Variants in MEIOB observed in about 807,000 individuals in gnomAD.
The protein encoded by MEIOB is meiosis-specific with OB domain-containing protein.
MEIOB carries 50 observed loss-of-function variants against 53.1 expected under a neutral mutation model. The observed-to-expected ratio is 0.94, with a 90% CI of 0.75 to 1.19. The LOEUF (loss-of-function observed/expected upper bound fraction) is 1.19. MEIOB is among the 50% of genes most tolerant of loss of function. The probability of loss-of-function intolerance (pLI) is 0.00; values close to 1 mark genes in which losing one functional copy is unlikely to be tolerated. For synonymous variants in MEIOB, 192 were observed against 182.5 expected (o/e 1.05, Z -0.42); for missense variants, 551 against 550.8 (o/e 1.00, Z 0.00).
At chr16:1,843,281 A>G (rs553381482) in intron 10 of MEIOB, among the ~76,000 whole-genome samples, 60 of 151,030 alleles carry the variant, frequency 4.0e-4, no homozygotes, top group African/African-American at 1.2e-3. Context: ...CGACAGAGCG[A>G]GACTCCATCT....
At position 1,869,876 on chromosome 16, in the gene MEIOB, A is replaced by ATTT. The variant is rs10681287; in HGVS notation, c.-9-1695_-9-1693dup. ...ATACTGTGTGAAGGGAAAGGTAGTGATTTTTTTTTTTTTGAGACGGAGTCT... is the reference window on the plus strand; with the variant it reads ...ATACTGTGTGAAGGGAAAGGTAGTGATTTTTTTTTTTTTTTTGAGACGGAGTCT... On this transcript the variant is annotated intron_variant, in intron 1 of 13. Coordinates refer to ENST00000325962, the MANE Select transcript of MEIOB (RefSeq NM_001163560.3). 1.1e-4 allele frequency among the ~76,000 whole-genome samples: 15 copies of ATTT among 140,400 alleles called. 3 individuals carry two copies. Among genetic ancestry groups the ATTT allele is most frequent in the Admixed American group, 2.9e-4 (4 of 13,792 alleles). 92.1% of individuals were successfully genotyped at this position (140,400 alleles called of 152,430 possible).
intron 9 of MEIOB, among the ~76,000 whole-genome samples, chr16:1,848,623 A>G (rs1899082217): frequency 6.8e-6 from 1 of 147,974 alleles, no homozygotes; most frequent in Non-Finnish European, 1.5e-5. Flanking sequence ...ACTCACTACA[A>G]CATCCACCTC....
Position 1,852,101 on chromosome 16 carries a change from T to C in MEIOB, c.778+938A>G, listed in dbSNP as rs531396482. Among the ~76,000 whole-genome samples the C allele has an allele frequency of 8.5e-5, 13 of 152,306 alleles. No individual in the cohort carries two copies. The South Asian group carries it at 2.3e-3, about 27-fold the overall frequency. ...ACACAGAGAGTACTGTGTGCACGCA[T>C]GCATGTGTTATCAATGTCCTAGCAG... is the stretch of plus-strand genomic sequence containing the variant. On this transcript the variant is annotated intron_variant, in intron 9 of 13. Transcript: ENST00000325962.
At chr16:1,852,482 C>G (rs1316626166) in intron 9 of MEIOB, among the ~76,000 whole-genome samples, 1 of 150,246 alleles carries the variant, frequency 6.7e-6, no homozygotes, top group African/African-American at 2.4e-5. Flanking sequence ...AGGATGGTCT[C>G]AATCTCTTGA....
At chr16:1,836,476 A>G (rs995835286) in intron 13 of MEIOB, among the ~76,000 whole-genome samples, 1 of 152,122 alleles carries the variant, frequency 6.6e-6, no homozygotes, top group African/African-American at 2.4e-5. Flanking sequence ...GGACCTAAGC[A>G]TGCCCTGACT....
intron 3 of MEIOB, among the ~76,000 whole-genome samples, chr16:1,863,822 C>CT (rs1255402302): frequency 5.9e-5 from 9 of 152,082 alleles, no homozygotes; most frequent in Non-Finnish European, 1.0e-4. Context: ...TCAGCAAATA[C>CT]TTTTTTTCCA....
Position 1,868,183 on chromosome 16 carries a change from A to T in MEIOB, c.-8T>A, listed in dbSNP as rs928083638. ...TGCAAAGGAGTTTGCCATTTTTTTA[A>T]TCTGCATTTTAGAAAATATAATTTA... On this transcript the variant is annotated splice_region_variant and 5_prime_UTR_variant, in exon 2 of 14. Transcript: ENST00000325962. The T allele has an allele frequency of 8.8e-6, 13 of 1,480,710 alleles. No homozygotes were observed. Among genetic ancestry groups the T allele is most frequent in the Non-Finnish European group, 8.3e-6 (9 of 1,088,614 alleles). 91.7% of individuals were successfully genotyped at this position (1,480,710 alleles called of 1,614,324 possible).
At chr16:1,845,072 ACAAT>A (rs1295900446) in intron 9 of MEIOB, 109 bp from the exon 10 acceptor site, 2 of 587,350 alleles carry the variant, frequency 3.4e-6, no homozygotes, top group Non-Finnish European at 6.1e-6. Context: ...ATGTAAGAAT[ACAAT>A]CAAATAGAAT....
chr16:1,842,623 C>CAAACAAAAAAAAAAAAAAAAAAAA, intron 10 of MEIOB, among the ~76,000 whole-genome samples: 1 of 97,794 alleles, frequency 1.0e-5, no homozygotes, highest in African/African-American at 4.1e-5. Flanking sequence ...AACTCCATCT[C>CAAACAAAAAAAAAAAAAAAAAAAA]AAAAAGACAG....
intron 11 of MEIOB, among the ~76,000 whole-genome samples, chr16:1,840,440 T>C (rs1898871239): frequency 6.6e-6 from 1 of 151,946 alleles, no homozygotes; most frequent in Non-Finnish European, 1.5e-5. Context: ...ATACGACCAG[T>C]GGATTGAATG....
chr16:1,855,057 A>G (rs4786724), intron 6 of MEIOB, among the ~76,000 whole-genome samples: 125,816 of 152,076 alleles, frequency 0.83, 52,181 homozygotes, highest in Middle Eastern at 0.9. Context: ...TGGGGTTGGG[A>G]AGGTGGAGAA....
intron 9 of MEIOB, among the ~76,000 whole-genome samples, chr16:1,845,958 C>T (rs915300598): frequency 6.6e-6 from 1 of 152,168 alleles, no homozygotes; most frequent in African/African-American, 2.4e-5. Flanking sequence ...ATTTCTTCCT[C>T]CTTGCTCCCA....
rs1899349438 is a variant in MEIOB at position 1,857,928 on chromosome 16, T to C, written c.335A>G (p.Asn112Ser). The change falls in exon 6 of 14, where the codon AAC becomes AGC. Residue 112 changes from asparagine to serine, a missense_variant and splice_region_variant. Asn to Ser is a conservative substitution (Grantham distance 46). Coordinates refer to ENST00000325962, the MANE Select transcript of MEIOB (RefSeq NM_001163560.3). ...EEKFSPATPSNCKLLLSENHS... is the reference protein window; with the variant it reads ...EEKFSPATPSSCKLLLSENHS... The stretch of plus-strand genomic sequence containing the variant: ...ATTCTCACTGAGCAACAGTTTACAG[T>C]TGCTAAATTGCAAAAACACAAGAAA... 6.6e-7 allele frequency: 1 copy of C among 1,514,582 alleles called. No individual in the cohort carries two copies. The highest frequency in any genetic ancestry group is 2.5e-5 in the East Asian group (1 of 40,280). 93.8% of individuals were successfully genotyped at this position (1,514,582 alleles called of 1,614,324 possible). A position where few individuals can be genotyped will look rare whatever the true frequency, so the allele number is the denominator to read the frequency against.
Position 1,839,455 on chromosome 16 carries a change from A to C in MEIOB, c.1035-17T>G. 6.3e-7 allele frequency: 1 copy of C among 1,594,938 alleles called. No homozygotes were observed. Among genetic ancestry groups the C allele is most frequent in the Non-Finnish European group, 8.5e-7 (1 of 1,171,718 alleles). On this transcript the variant is annotated splice_polypyrimidine_tract_variant and intron_variant, in intron 11 of 13. Coordinates refer to ENST00000325962, the MANE Select transcript of MEIOB (RefSeq NM_001163560.3). The stretch of plus-strand genomic sequence containing the variant: ...CAGCTGGAACTGAAAAGAAACAAAG[A>C]CAATGATAAAATGTGATGCCCTAAG...
intron 9 of MEIOB, among the ~76,000 whole-genome samples, chr16:1,847,072 T>C (rs62038442): frequency 0.17 from 26,536 of 151,796 alleles, 2,418 homozygotes; most frequent in South Asian, 0.26. Flanking sequence ...GGGGAATAAC[T>C]TGAACCCAGG....
At chr16:1,835,612 G>A (rs375926414) in intron 13 of MEIOB, among the ~76,000 whole-genome samples, 1 of 152,104 alleles carries the variant, frequency 6.6e-6, no homozygotes, top group African/African-American at 2.4e-5. Context: ...ACATTGGCTA[G>A]AACACGTTCA....
Position 1,834,250 on chromosome 16 carries a change from A to G in MEIOB, c.*6T>C. ...ACTTTTCCAGAGTTCAAAATGATAG[A>G]CCGTTTTAAACATGTTTTTGTCCAG... is the stretch of plus-strand genomic sequence containing the variant. On this transcript the variant is annotated 3_prime_UTR_variant, in exon 14 of 14. Coordinates refer to ENST00000325962, the MANE Select transcript of MEIOB (RefSeq NM_001163560.3). 1 of 1,515,392 alleles carries G rather than the reference A, an allele frequency of 6.6e-7. No homozygotes were observed. The highest frequency in any genetic ancestry group is 9.1e-7 in the Non-Finnish European group (1 of 1,094,544). The allele number at this position is 1,515,392 out of a possible 1,614,324, so 93.9% of individuals were successfully genotyped here.
intron 9 of MEIOB, among the ~76,000 whole-genome samples, chr16:1,845,467 C>A (rs1471425901): frequency 6.6e-6 from 1 of 152,146 alleles, no homozygotes; most frequent in East Asian, 1.9e-4. Context: ...TTGCAGTAAA[C>A]TGAGATAGCG....
chr16:1,853,088 G>A lies in MEIOB; in HGVS notation c.729C>T (p.Asn243=). The A allele has an allele frequency of 6.2e-7, 1 of 1,613,058 alleles. No homozygotes were observed. The highest frequency in any genetic ancestry group is 1.1e-5 in the South Asian group (1 of 91,040). The change falls in exon 9 of 14, where the codon AAC becomes AAT. Residue 243 remains asparagine (N), a synonymous_variant. Coordinates refer to ENST00000325962, the MANE Select transcript of MEIOB (RefSeq NM_001163560.3). The part of the protein sequence containing the change: ...DVRINFDKFR[N]CMTATVISKT... ...TTGAGATTACAGTTGCTGTCATGCA[G>A]TTCCGAAATTTGTCAAAATTTATTC...
Sources: gnomAD v4.1 joint callset for allele counts (sites outside exome capture counted in the v4.1 genomes callset) on GRCh38, gnomAD v4.1.1 for gene constraint, MANE v1.5 for transcripts, NCBI Gene and HGNC (gene_info 2026-07-23, HGNC 2026-07-21) for gene names.